TEKT4: variants seen among roughly 807,000 people sequenced by gnomAD.
TEKT4 encodes the protein tektin-4.
A neutral mutation model predicts 46.0 loss-of-function variants in TEKT4; 46 were observed. The observed-to-expected ratio is 1.00, with a 90% confidence interval of 0.79 to 1.28. The LOEUF (loss-of-function observed/expected upper bound fraction) is 1.28, where lower values mean the gene tolerates loss of function less well. Ranked by LOEUF, TEKT4 falls within the 50% of genes most tolerant of loss-of-function variation. The pLI, the probability that TEKT4 is intolerant of heterozygous loss-of-function variation, is 0.00. For missense variants in TEKT4, 790 were observed against 622.9 expected (o/e 1.27, Z -2.85); for synonymous variants, 325 against 265.8 (o/e 1.22, Z -2.17).
intron 3 of TEKT4, 66 bp from the exon 4 acceptor site, chr2:94,874,710 G>A (rs1299008200): frequency 4.2e-5 from 59 of 1,402,552 alleles, no homozygotes; most frequent in African/African-American, 3.1e-4. Flanking sequence ...GCATGGGGGC[G>A]CAGCAGGGCT....
intron 2 of TEKT4, 120 bp from the exon 3 acceptor site, chr2:94,873,845 G>C: frequency 7.0e-7 from 1 of 1,425,298 alleles, no homozygotes; most frequent in Non-Finnish European, 9.5e-7. Flanking sequence ...GGGCTGCCCG[G>C]GACAGGCCCA....
intron 1 of TEKT4, chr2:94,872,645 T>C (rs2104100808): frequency 2.6e-6 from 1 of 387,458 alleles, no homozygotes; most frequent in East Asian, 7.4e-5. Context: ...GAGAATTCTC[T>C]GACCTCTCAG....
chr2:94,872,129 C>CCCA, intron 1 of TEKT4, 52 bp downstream of exon 1: 1 of 1,472,862 alleles, frequency 6.8e-7, no homozygotes, highest in Non-Finnish European at 9.0e-7. Context: ...AGGAGGAGCC[C>CCCA]CCCCCCCCGC....
At position 94,872,267 on chromosome 2, in the gene TEKT4, G is replaced by A. The variant is rs1680612382; in HGVS notation, c.498+190G>A. 4 of 684,068 alleles carry A rather than the reference G, an allele frequency of 5.8e-6. No homozygotes were observed. The South Asian group carries it at 7.8e-5, about 13-fold the overall frequency. The allele number at this position is 684,068 out of a possible 1,614,324, so 42.4% of individuals were successfully genotyped here. ...GGCAGCTTTGCCCCAGAAGACCCCT[G>A]ACTTCCAAGCAGCTGTTTCTCCTCT... On this transcript the variant is annotated intron_variant, in intron 1 of 5. Coordinates refer to ENST00000295201, the MANE Select transcript of TEKT4 (RefSeq NM_144705.4).
At chr2:94,875,791 T>A (rs1553396360) in intron 5 of TEKT4, 49 bp downstream of exon 5, 3 of 1,565,196 alleles carry the variant, frequency 1.9e-6, no homozygotes, top group Middle Eastern at 3.5e-4. Flanking sequence ...GTCCACCTCC[T>A]CCCTGTGACT....
At chr2:94,875,076 A>G in intron 4 of TEKT4, 78 bp downstream of exon 4, 1 of 1,407,448 alleles carries the variant, frequency 7.1e-7, no homozygotes, top group Non-Finnish European at 9.6e-7. Context: ...CCTCTGTCCC[A>G]TTTATCCCGA....
At chr2:94,873,418 T>G in intron 1 of TEKT4, 102 bp from the exon 2 acceptor site, 1 of 1,589,128 alleles carries the variant, frequency 6.3e-7, no homozygotes, top group Non-Finnish European at 8.6e-7. Context: ...GGCATTCAAC[T>G]CCTTGTGGTT....
intron 4 of TEKT4, 36 bp from the exon 5 acceptor site, chr2:94,875,552 G>A (rs1680805147): frequency 6.2e-7 from 1 of 1,613,048 alleles, no homozygotes; most frequent in Middle Eastern, 1.7e-4. Context: ...CCCGGGCATG[G>A]GGGCACAGGC....
Position 94,874,963 on chromosome 2 carries a change from G to A in TEKT4, c.901G>A (p.Asp301Asn), listed in dbSNP as rs1680771839. ...AFGRRCEELE[D>N]ARYKLHHHLH... is the part of the protein sequence containing the mutation. The stretch of plus-strand genomic sequence containing the variant: ...CGGGCGCCGCTGTGAGGAGCTGGAG[G>A]ACGCGCGGTACAAGCTGCATCACCA... Residue 301 changes from aspartate (D) to asparagine (N), a missense_variant, in exon 4 of 6, where the codon GAC (aspartate) becomes AAC (asparagine). Coordinates refer to ENST00000295201, the MANE Select transcript of TEKT4 (RefSeq NM_144705.4). 1 of 1,610,340 alleles carries A rather than the reference G, an allele frequency of 6.2e-7. No individual in the cohort carries two copies. The highest frequency in any genetic ancestry group is 8.5e-7 in the Non-Finnish European group (1 of 1,179,280).
In TEKT4 at chr2:94,874,964, A is replaced by T. The variant is rs148001290; in HGVS notation, c.902A>T (p.Asp301Val). 3.1e-6 allele frequency: 5 copies of T among 1,609,846 alleles called. No homozygotes were observed. Among genetic ancestry groups the T allele is most frequent in the African/African-American group, 2.7e-5 (2 of 74,822 alleles). Reference sequence around the variant, plus strand: ...GGGCGCCGCTGTGAGGAGCTGGAGGACGCGCGGTACAAGCTGCATCACCAC... The same window carrying T: ...GGGCGCCGCTGTGAGGAGCTGGAGGTCGCGCGGTACAAGCTGCATCACCAC... ...AFGRRCEELEDARYKLHHHLH... is the reference protein window; with the variant it reads ...AFGRRCEELEVARYKLHHHLH... The change falls in exon 4 of 6, where the codon GAC becomes GTC. Residue 301 changes from aspartate (D) to valine (V), a missense_variant. Coordinates refer to ENST00000295201, the MANE Select transcript of TEKT4 (RefSeq NM_144705.4).
Position 94,874,982 on chromosome 2 carries a change from A to C in TEKT4, c.920A>C (p.His307Pro), listed in dbSNP as rs1553395958. The change falls in exon 4 of 6, where the codon CAT (histidine) becomes CCT (proline). Residue 307 changes from histidine (H) to proline (P), a missense_variant. Physicochemically the swap from His to Pro is moderately conservative, Grantham distance 77. Transcript: ENST00000295201. Reference sequence around the variant, plus strand: ...CTGGAGGACGCGCGGTACAAGCTGCATCACCACCTGCACAAGGTGGGGCAC... The same window carrying C: ...CTGGAGGACGCGCGGTACAAGCTGCCTCACCACCTGCACAAGGTGGGGCAC... ...EELEDARYKL[H>P]HHLHKTLREI... 1 of 1,606,798 alleles carries C rather than the reference A, an allele frequency of 6.2e-7. No homozygotes were observed. Among genetic ancestry groups the C allele is most frequent in the East Asian group, 2.2e-5 (1 of 44,662 alleles).
chr2:94,874,717 G>T (rs2104112547), intron 3 of TEKT4, 59 bp from the exon 4 acceptor site: 6 of 1,446,892 alleles, frequency 4.1e-6, no homozygotes, highest in Non-Finnish European at 4.6e-6. Context: ...GGCGCAGCAG[G>T]GCTCCCAGCC....
chr2:94,874,380 AG>A (rs1209603559), intron 3 of TEKT4, among the ~76,000 whole-genome samples: 30 of 151,844 alleles, frequency 2.0e-4, no homozygotes, highest in Non-Finnish European at 3.8e-4. Context: ...AGGCCAGCAG[AG>A]GGAGCCTGAC....
chr2:94,871,970 G>C lies in TEKT4; in HGVS notation c.391G>C (p.Asp131His). The C allele has an allele frequency of 6.2e-7, 1 of 1,600,506 alleles. No homozygotes were observed. Among genetic ancestry groups the C allele is most frequent in the Non-Finnish European group, 8.5e-7 (1 of 1,175,998 alleles). ...GAAGCAACGGCTGGAGCGCGCCCTG[G>C]ACGCCACAGAGGTGCCCTTCTCCAT... ...AQKQRLERAL[D>H]ATEVPFSITT... Residue 131 changes from aspartate to histidine, a missense_variant, in exon 1 of 6, where the codon GAC becomes CAC. Asp to His is a moderately conservative substitution (Grantham distance 81). Coordinates refer to ENST00000295201, the MANE Select transcript of TEKT4 (RefSeq NM_144705.4).
intron 4 of TEKT4, 60 bp downstream of exon 4, chr2:94,875,058 A>AC (rs1680779336): frequency 4.1e-6 from 6 of 1,478,662 alleles, no homozygotes; most frequent in Non-Finnish European, 4.6e-6. Context: ...GGCCCTCAAC[A>AC]CCTTTCTCCT....
At position 94,876,689 on chromosome 2, in the gene TEKT4, A is replaced by G; in HGVS notation, c.1228A>G (p.Ser410Gly). ...LEKDIAAMTNSLFIDRQKCMA... is the reference protein window; with the variant it reads ...LEKDIAAMTNGLFIDRQKCMA... ...GAAGGACATTGCCGCCATGACCAAC[A>G]GTCTCTTCATCGACCGCCAGAAGTG... Residue 410 changes from serine (S) to glycine (G), a missense_variant, in exon 6 of 6, where the codon AGT becomes GGT. Physicochemically the swap from Ser to Gly is moderately conservative, Grantham distance 56 (BLOSUM62 0). Transcript: ENST00000295201. 1 of 1,613,234 alleles carries G rather than the reference A, an allele frequency of 6.2e-7. No individual in the cohort carries two copies. Among genetic ancestry groups the G allele is most frequent in the East Asian group, 2.2e-5 (1 of 44,882 alleles).
chr2:94,875,042 G>A (rs1553395991), intron 4 of TEKT4, 44 bp downstream of exon 4: 13 of 1,529,972 alleles, frequency 8.5e-6, no homozygotes, highest in Non-Finnish European at 1.1e-5. Flanking sequence ...CTCATCACCT[G>A]GCCTGGGCCC....
chr2:94,873,581 G>C lies in TEKT4; in HGVS notation c.560G>C (p.Ser187Thr), dbSNP rs533115834. 1 of 1,613,424 alleles carries C rather than the reference G, an allele frequency of 6.2e-7. No homozygotes were observed. Among genetic ancestry groups the C allele is most frequent in the Non-Finnish European group, 8.5e-7 (1 of 1,180,002 alleles). Residue 187 changes from serine to threonine, a missense_variant, in exon 2 of 6, where the codon AGC becomes ACC. Physicochemically the swap from Ser to Thr is moderately conservative, Grantham distance 58. Coordinates refer to ENST00000295201, the MANE Select transcript of TEKT4 (RefSeq NM_144705.4). ...AAGAGAACCATCATGCAAGCAGTGAGCCAGATCCGGTGGGTAGAGGGCTGC... is the reference window on the plus strand; with the variant it reads ...AAGAGAACCATCATGCAAGCAGTGACCCAGATCCGGTGGGTAGAGGGCTGC... ...LLKRTIMQAV[S>T]QIRLNREHKE...
At chr2:94,874,752 T>C (rs1553395782) in intron 3 of TEKT4, 24 bp from the exon 4 acceptor site, 1 of 1,533,850 alleles carries the variant, frequency 6.5e-7, no homozygotes, top group Admixed American at 2.0e-5. Context: ...CCCGACCCTC[T>C]CCTGGCTGTC....
Sources: gnomAD v4.1 joint callset for allele counts (sites outside exome capture counted in the v4.1 genomes callset) on GRCh38, gnomAD v4.1.1 for gene constraint, MANE v1.5 for transcripts, NCBI Gene and HGNC (gene_info 2026-07-23, HGNC 2026-07-21) for gene names.